GCNT1: variants seen among roughly 807,000 people sequenced by gnomAD.
GCNT1 encodes the protein beta-1,3-galactosyl-O-glycosyl-glycoprotein beta-1,6-N-acetylglucosaminyltransferase.
Under a neutral mutation model 26.2 loss-of-function variants are expected in GCNT1, and 16 were observed. The ratio of observed to expected loss-of-function variants is 0.61; its 90% CI spans 0.41 to 0.93. The LOEUF (loss-of-function observed/expected upper bound fraction) is 0.93, where lower values mean the gene tolerates loss of function less well. Among genes scored for constraint, GCNT1 ranks in the 40% least tolerant of loss-of-function variants. GCNT1 has a pLI of 0.00. For missense variants in GCNT1, 477 were observed against 526.7 expected, an observed-to-expected ratio of 0.91 and a Z score of 0.92; for synonymous variants, 183 against 190.8, an observed-to-expected ratio of 0.96 and a Z score of 0.34.
Position 76,506,439 on chromosome 9 carries a change from G to A in GCNT1, c.*2771G>A, listed in dbSNP as rs1825241169. 6.0e-6 allele frequency: 1 copy of A among 166,784 alleles called. No homozygotes were observed. The highest frequency in any genetic ancestry group is 1.5e-5 in the Non-Finnish European group (1 of 68,104). The allele number at this position is 166,784 out of a possible 1,614,324, so 10.3% of individuals were successfully genotyped here. ...TAATCCCAGTTACCTGGGAGGCTGA[G>A]GCAGGAGAATCTCTTGAGCCCAGGA... On this transcript the variant is annotated 3_prime_UTR_variant, in exon 4 of 4. Transcript: ENST00000376730.
the GCNT1 span, chr9:76,399,135 C>G: frequency 6.6e-7 from 1 of 1,507,760 alleles, no homozygotes; most frequent in Non-Finnish European, 9.1e-7. Context: ...CCTACCATTG[C>G]TCTGTGTAAC....
intron 1 of GCNT1, among the ~76,000 whole-genome samples, chr9:76,423,215 A>T (rs1361090903): frequency 1.3e-5 from 2 of 152,232 alleles, no homozygotes; most frequent in Non-Finnish European, 2.9e-5. Flanking sequence ...CGTGGTTTAA[A>T]TGTGTCCCCC....
intron 2 of GCNT1, among the ~76,000 whole-genome samples, chr9:76,485,083 G>T (rs565807376): frequency 1.3e-5 from 2 of 152,060 alleles, no homozygotes; most frequent in South Asian, 4.2e-4. Flanking sequence ...CGCCGCGCCC[G>T]ACCATGATTT....
chr9:76,402,683 A>ATTTT, the GCNT1 span, among the ~76,000 whole-genome samples: 3,653 of 147,408 alleles, frequency 0.025, 149 homozygotes, highest in African/African-American at 0.085. Flanking sequence ...TATTTGGCTG[A>ATTTT]TTTTTTTTTT....
intron 2 of GCNT1, among the ~76,000 whole-genome samples, chr9:76,468,144 G>T (rs1478204256): frequency 6.6e-6 from 1 of 152,054 alleles, no homozygotes; most frequent in Non-Finnish European, 1.5e-5. Flanking sequence ...TGATCCGCCT[G>T]CCTGGGCCTC....
the GCNT1 span, among the ~76,000 whole-genome samples, chr9:76,401,782 C>T: frequency 6.6e-6 from 1 of 152,170 alleles, no homozygotes; most frequent in East Asian, 1.9e-4. Flanking sequence ...ATAATCCCAG[C>T]ACTTTGGGAG....
intron 2 of GCNT1, among the ~76,000 whole-genome samples, chr9:76,474,896 G>A (rs1805693284): frequency 6.6e-6 from 1 of 152,202 alleles, no homozygotes; most frequent in African/African-American, 2.4e-5. Context: ...GTGCTTCTCA[G>A]TTTTTCCAGT....
upstream of GCNT1, among the ~76,000 whole-genome samples, chr9:76,454,386 GAA>G (rs71372084): frequency 5.0e-5 from 2 of 39,620 alleles, no homozygotes; most frequent in Non-Finnish European, 9.9e-5. Context: ...TCTCAGAAAA[GAA>G]AAAAAAAAAA....
rs1022244899 is a variant in GCNT1 at position 76,446,773 on chromosome 9, A to C, written c.-290+4458A>C. On this transcript the variant is annotated intron_variant, in intron 1 of 2. Transcript: ENST00000442371. ...ATGGAATGATTTTCCAAACGTGTTA[A>C]GTGAGAAGAAGCAAAGTAAAGAACA... Among the ~76,000 whole-genome samples the C allele has an allele frequency of 7.9e-5, 12 of 152,336 alleles. 1 individual carries two copies. In the East Asian group the frequency reaches 2.1e-3, roughly 27 times the overall value.
intron 2 of GCNT1, among the ~76,000 whole-genome samples, chr9:76,481,959 G>T (rs1313813632): frequency 2.6e-5 from 4 of 152,198 alleles, no homozygotes; most frequent in Non-Finnish European, 4.4e-5. Context: ...TGAGCTTAGA[G>T]AAGCCAAATC....
chr9:76,407,626 T>C, the GCNT1 span, among the ~76,000 whole-genome samples: 2 of 152,220 alleles, frequency 1.3e-5, no homozygotes, highest in African/African-American at 2.4e-5. Context: ...ATATAAACTT[T>C]AGAATCAGTT....
the GCNT1 span, among the ~76,000 whole-genome samples, chr9:76,404,304 T>C: frequency 6.6e-6 from 1 of 152,144 alleles, no homozygotes; most frequent in Non-Finnish European, 1.5e-5. Context: ...TTCTGTCCAA[T>C]ATATAAAATA....
intron 2 of GCNT1, among the ~76,000 whole-genome samples, chr9:76,467,911 T>G (rs987063574): frequency 7.4e-5 from 10 of 135,640 alleles, no homozygotes; most frequent in Non-Finnish European, 1.1e-4. Context: ...TTTTTTTTTT[T>G]TTTTTTTTTT....
chr9:76,395,586 C>A, the GCNT1 span, among the ~76,000 whole-genome samples: 1 of 150,744 alleles, frequency 6.6e-6, no homozygotes, highest in East Asian at 2.0e-4. Flanking sequence ...GACACCCTCA[C>A]CCCTTAAAAG....
At chr9:76,488,858 T>C (rs1427941211) in intron 2 of GCNT1, among the ~76,000 whole-genome samples, 1 of 152,238 alleles carries the variant, frequency 6.6e-6, no homozygotes, top group Non-Finnish European at 1.5e-5. Context: ...TTTTATTTGC[T>C]AGTTCTATTT....
intron 2 of GCNT1, among the ~76,000 whole-genome samples, chr9:76,464,183 G>A (rs1184302864): frequency 1.3e-5 from 2 of 151,926 alleles, no homozygotes; most frequent in Non-Finnish European, 2.9e-5. Context: ...TTAGGATTTT[G>A]GACTTTAATG....
chr9:76,475,251 C>T (rs76449506), intron 2 of GCNT1, among the ~76,000 whole-genome samples: 31 of 152,258 alleles, frequency 2.0e-4, no homozygotes, highest in African/African-American at 7.0e-4. Context: ...TAAAGATTGC[C>T]GCTCAGGTTT....
intron 2 of GCNT1, among the ~76,000 whole-genome samples, chr9:76,498,420 G>A (rs936780087): frequency 1.3e-5 from 2 of 152,126 alleles, no homozygotes; most frequent in African/African-American, 4.8e-5. Flanking sequence ...GCTTCACCAA[G>A]CATTTACATT....
At chr9:76,395,625 AGGGAAAGGAAAG>A in the GCNT1 span, among the ~76,000 whole-genome samples, 1 of 152,080 alleles carries the variant, frequency 6.6e-6, no homozygotes, top group African/African-American at 2.4e-5. Flanking sequence ...AAGGGAGGGA[AGGGAAAGGAAAG>A]GGGAAGGGAA....
Sources: gnomAD v4.1 joint callset for allele counts (sites outside exome capture counted in the v4.1 genomes callset) on GRCh38, gnomAD v4.1.1 for gene constraint, MANE v1.5 for transcripts, NCBI Gene and HGNC (gene_info 2026-07-23, HGNC 2026-07-21) for gene names.